RFX7: variants seen among roughly 807,000 people sequenced by gnomAD.
RFX7 encodes the protein DNA-binding protein RFX7.
Under a neutral mutation model 111.8 loss-of-function variants are expected in RFX7, and 26 were observed. That is an observed-to-expected ratio of 0.23 (90% CI 0.17 to 0.32). RFX7 has a LOEUF of 0.32. Ranked by LOEUF, RFX7 falls within the 10% of genes least tolerant of loss-of-function variation. The probability of loss-of-function intolerance (pLI) is 1.00; values close to 1 mark genes in which losing one functional copy is unlikely to be tolerated. For synonymous variants in RFX7, 624 were observed against 624.4 expected, an observed-to-expected ratio of 1.00 and a Z score of 0.01; for missense variants, 1,573 against 1,772.9, an observed-to-expected ratio of 0.89 and a Z score of 2.02.
chr15:56,129,334 C>A (rs1458236209), intron 5 of RFX7, among the ~76,000 whole-genome samples: 1 of 149,530 alleles, frequency 6.7e-6, no homozygotes, highest in Non-Finnish European at 1.5e-5. Flanking sequence ...GAGATTGCAA[C>A]ACAGCACTCC....
intron 2 of RFX7, among the ~76,000 whole-genome samples, chr15:56,220,338 C>A (rs2043411854): frequency 6.6e-6 from 1 of 152,098 alleles, no homozygotes; most frequent in Non-Finnish European, 1.5e-5. Flanking sequence ...TCAAGCGATT[C>A]TTCTGCCTCA....
rs1254247066 is a variant in RFX7 at position 56,111,040 on chromosome 15, C to A, written c.402-7370G>T. ...GAGGGAGGTGGGGGGGTCAGCCCCC[C>A]ACCCGGCCAGCCACCCTGTCCGGGA... On this transcript the variant is annotated intron_variant, in intron 5 of 9. Coordinates refer to ENST00000559447, the MANE Select transcript of RFX7 (RefSeq NM_022841.7). Among the ~76,000 whole-genome samples the A allele has an allele frequency of 5.0e-4, 47 of 93,392 alleles. 4 individuals are homozygous for A. Among genetic ancestry groups the A allele is most frequent in the Non-Finnish European group, 4.9e-4 (21 of 42,686 alleles). 61.3% of individuals were successfully genotyped at this position (93,392 alleles called of 152,430 possible). A position where few individuals can be genotyped will look rare whatever the true frequency, so the allele number is the denominator to read the frequency against.
At chr15:56,110,714 G>A (rs1267800480) in intron 5 of RFX7, among the ~76,000 whole-genome samples, 2 of 3,260 alleles carry the variant, frequency 6.1e-4, no homozygotes, top group African/African-American at 6.5e-4. Flanking sequence ...GTCCGGGAGG[G>A]AGGTGGGGGG....
intron 2 of RFX7, among the ~76,000 whole-genome samples, chr15:56,194,379 T>C (rs981857654): frequency 5.3e-5 from 8 of 152,086 alleles, no homozygotes; most frequent in Admixed American, 2.6e-4. Flanking sequence ...AGGTATACTA[T>C]AATAGATCAA....
chr15:56,210,515 C>T (rs1434229224), intron 2 of RFX7, among the ~76,000 whole-genome samples: 1 of 152,054 alleles, frequency 6.6e-6, no homozygotes, highest in African/African-American at 2.4e-5. Context: ...ACATTCTTCT[C>T]AAGCTCACAT....
intron 2 of RFX7, among the ~76,000 whole-genome samples, chr15:56,189,663 G>T (rs1380012486): frequency 6.6e-6 from 1 of 152,110 alleles, no homozygotes; most frequent in Non-Finnish European, 1.5e-5. Context: ...AAGCCACCAA[G>T]GAAATACAAA....
intron 2 of RFX7, among the ~76,000 whole-genome samples, chr15:56,184,096 C>T (rs541097105): frequency 4.1e-4 from 62 of 151,684 alleles, no homozygotes; most frequent in Non-Finnish European, 7.5e-4. Flanking sequence ...CGCGGCTCAC[C>T]GCAACCTCCA....
chr15:56,152,562 G>C (rs1198173268), intron 3 of RFX7, among the ~76,000 whole-genome samples: 2 of 152,118 alleles, frequency 1.3e-5, no homozygotes, highest in Admixed American at 1.3e-4. Context: ...AGTGTTTAGA[G>C]GGAAATTTAT....
intron 3 of RFX7, among the ~76,000 whole-genome samples, chr15:56,176,897 A>G (rs1431114594): frequency 6.6e-6 from 1 of 151,250 alleles, no homozygotes; most frequent in Non-Finnish European, 1.5e-5. Context: ...GCTTTTACTC[A>G]TATCCCCCTA....
At chr15:56,139,307 G>T (rs561388848) in intron 5 of RFX7, among the ~76,000 whole-genome samples, 6 of 151,748 alleles carry the variant, frequency 4.0e-5, no homozygotes, top group African/African-American at 1.2e-4. Context: ...TGGAGGCTTT[G>T]CTCATTTCTT....
At chr15:56,188,000 A>T (rs536520298) in intron 2 of RFX7, among the ~76,000 whole-genome samples, 1 of 152,334 alleles carries the variant, frequency 6.6e-6, no homozygotes, top group South Asian at 2.1e-4. Flanking sequence ...GAATGATCCA[A>T]AGTGTCAGAA....
At chr15:56,148,408 T>C (rs1341255511) in intron 3 of RFX7, among the ~76,000 whole-genome samples, 1 of 152,220 alleles carries the variant, frequency 6.6e-6, no homozygotes, top group Non-Finnish European at 1.5e-5. Context: ...ACCTTTCACA[T>C]TCTGGACAGA....
In RFX7 at chr15:56,087,415, C is replaced by A. The variant is rs753539066; in HGVS notation, c.*5930G>T. ...CCTTGTATCTTGTTGCTCAATCATC[C>A]TCAGCATGTGTCTTTAACATGAAGT... On this transcript the variant is annotated 3_prime_UTR_variant, in exon 10 of 10. Transcript: ENST00000559447. 1 of 456,530 alleles carries A rather than the reference C, an allele frequency of 2.2e-6. No individual in the cohort carries two copies. Among genetic ancestry groups the A allele is most frequent in the East Asian group, 6.9e-5 (1 of 14,406 alleles). The allele number at this position is 456,530 out of a possible 1,614,324, so 28.3% of individuals were successfully genotyped here.
Position 56,088,181 on chromosome 15 carries a change from C to A in RFX7, c.*5164G>T. 5.2e-6 allele frequency: 1 copy of A among 193,282 alleles called. No homozygotes were observed. The highest frequency in any genetic ancestry group is 1.1e-5 in the Non-Finnish European group (1 of 92,052). The allele number at this position is 193,282 out of a possible 1,614,324, so 12.0% of individuals were successfully genotyped here. ...AGAATGAAAATTTCAAAGAAGCAAC[C>A]AGATCATACAACTGCAGTAGGTACA... On this transcript the variant is annotated 3_prime_UTR_variant, in exon 10 of 10. Coordinates refer to ENST00000559447, the MANE Select transcript of RFX7 (RefSeq NM_022841.7).
At chr15:56,228,922 T>C (rs183113908) in intron 2 of RFX7, among the ~76,000 whole-genome samples, 2 of 152,220 alleles carry the variant, frequency 1.3e-5, no homozygotes, top group African/African-American at 4.8e-5. Flanking sequence ...CAATAACTAA[T>C]GATTAATTGT....
chr15:56,206,283 C>T (rs543875335), intron 2 of RFX7, among the ~76,000 whole-genome samples: 36 of 152,086 alleles, frequency 2.4e-4, no homozygotes, highest in African/African-American at 8.2e-4. Flanking sequence ...GTGATGCATG[C>T]TACAATATAA....
intron 2 of RFX7, among the ~76,000 whole-genome samples, chr15:56,202,905 AATGTAC>A (rs1280054271): frequency 6.6e-6 from 1 of 152,192 alleles, no homozygotes; most frequent in Non-Finnish European, 1.5e-5. Flanking sequence ...TTACATCCAA[AATGTAC>A]ATAAAACTGC....
chr15:56,214,702 G>T (rs1220807929), intron 2 of RFX7, among the ~76,000 whole-genome samples: 1 of 135,758 alleles, frequency 7.4e-6, no homozygotes, highest in Non-Finnish European at 1.6e-5. Flanking sequence ...GCAAAAGAGC[G>T]AGACTCTGTC....
chr15:56,141,391 A>G (rs1255003567), intron 5 of RFX7, among the ~76,000 whole-genome samples: 4 of 151,830 alleles, frequency 2.6e-5, no homozygotes, highest in African/African-American at 9.7e-5. Context: ...CAAACAAACA[A>G]AAAAACCAAA....
Sources: allele counts gnomAD v4.1 joint callset (sites outside exome capture counted in the v4.1 genomes callset), GRCh38; gene constraint gnomAD v4.1.1; transcripts MANE v1.5; gene names NCBI Gene and HGNC (gene_info 2026-07-23, HGNC 2026-07-21).